The following YTHDF2 variants were observed in gnomAD, a reference collection of about 807,000 sequenced individuals.
YTHDF2 encodes the protein YTH N6-methyladenosine RNA binding protein F2.
YTHDF2 carries 2 observed loss-of-function variants against 50.4 expected under a neutral mutation model. That is an observed-to-expected ratio of 0.04 (90% CI 0.02 to 0.12). The LOEUF is 0.12. Ranked by LOEUF, YTHDF2 falls within the 10% of genes least tolerant of loss-of-function variation. The pLI is 1.00. For synonymous variants in YTHDF2, 217 were observed against 255.6 expected (o/e 0.85, Z 1.44); for missense variants, 483 against 722.6 (o/e 0.67, Z 3.80).
rs1393050574 is a variant in YTHDF2 at position 28,736,987 on chromosome 1, C to T, written c.-134C>T. ...GGAGCCTGAGCCGCGCGCTGTGTCT[C>T]CGCTGCGTCCGCCGAGGCCCCCGAG... On this transcript the variant is annotated 5_prime_UTR_variant, in exon 1 of 5. Transcript: ENST00000373812. 14 of 1,159,734 alleles carry T rather than the reference C, an allele frequency of 1.2e-5. No homozygotes were observed. Among genetic ancestry groups the T allele is most frequent in the Non-Finnish European group, 1.6e-5 (13 of 824,812 alleles). 71.8% of individuals were successfully genotyped at this position (1,159,734 alleles called of 1,614,324 possible).
intron 3 of YTHDF2, chr1:28,740,475 G>A (rs1010026790): frequency 6.6e-6 from 1 of 152,122 alleles, no homozygotes; most frequent in Admixed American, 6.5e-5. Context: ...AGATGAGGAA[G>A]GGTAACCTGA....
At chr1:28,744,082 A>G in intron 4 of YTHDF2, 96 bp downstream of exon 4, 1 of 1,293,952 alleles carries the variant, frequency 7.7e-7, no homozygotes. Flanking sequence ...AAACTCTGTA[A>G]ATGAATACAG....
chr1:28,761,947 C>CT (rs1557550381), intron 4 of YTHDF2, among the ~76,000 whole-genome samples: 1 of 152,046 alleles, frequency 6.6e-6, no homozygotes, highest in Non-Finnish European at 1.5e-5. Flanking sequence ...TTATATATGA[C>CT]TTGATGTTTC....
intron 4 of YTHDF2, among the ~76,000 whole-genome samples, chr1:28,763,361 C>G (rs866666961): frequency 6.6e-6 from 1 of 152,194 alleles, no homozygotes; most frequent in South Asian, 2.1e-4. Context: ...GCAACCTCTG[C>G]CCCCTGGGTT....
intron 4 of YTHDF2, among the ~76,000 whole-genome samples, chr1:28,746,752 T>A: frequency 6.8e-6 from 1 of 147,962 alleles, no homozygotes; most frequent in South Asian, 2.2e-4. Context: ...AGAGAGAGAC[T>A]CTGTCTAAAC....
intron 4 of YTHDF2, among the ~76,000 whole-genome samples, chr1:28,761,205 A>G (rs1316453991): frequency 1.4e-5 from 2 of 142,734 alleles, no homozygotes; most frequent in Admixed American, 7.2e-5. Flanking sequence ...CCTGATCACA[A>G]CTCATTGCAG....
At chr1:28,753,151 C>A (rs1570472090) in intron 4 of YTHDF2, among the ~76,000 whole-genome samples, 3 of 151,650 alleles carry the variant, frequency 2.0e-5, no homozygotes, top group African/African-American at 2.4e-5. Flanking sequence ...TTGGAACTTA[C>A]ACCTGGAGAG....
chr1:28,767,142 T>A lies in YTHDF2; in HGVS notation c.1717-1787T>A, dbSNP rs563559463. ...ACAGGTGTGAGCCACCACTTCTGGC[T>A]GTTTTGGTATTGTTGTGTTAAAATT... is the stretch of plus-strand genomic sequence containing the variant. On this transcript the variant is annotated intron_variant, in intron 4 of 4. Transcript: ENST00000373812. 1.1e-4 allele frequency among the ~76,000 whole-genome samples: 16 copies of A among 152,116 alleles called. No individual in the cohort carries two copies. The South Asian group carries it at 2.9e-3, about 28-fold the overall frequency.
chr1:28,741,663 A>T (rs1384069860), intron 3 of YTHDF2, among the ~76,000 whole-genome samples: 2 of 152,170 alleles, frequency 1.3e-5, no homozygotes, highest in Admixed American at 1.3e-4. Flanking sequence ...GAGTAGTGGG[A>T]TCTATTGATA....
At chr1:28,736,924 A>T (rs1360196137), upstream of YTHDF2, 2 of 564,042 alleles carry the variant, frequency 3.5e-6, no homozygotes, top group African/African-American at 2.0e-5. Flanking sequence ...AGAGACGGGC[A>T]TTGAGCTCTT....
chr1:28,764,973 C>T (rs891045684), intron 4 of YTHDF2, among the ~76,000 whole-genome samples: 1 of 152,048 alleles, frequency 6.6e-6, no homozygotes, highest in African/African-American at 2.4e-5. Context: ...TTCCTGGGCT[C>T]AGATGATCCT....
intron 1 of YTHDF2, 59 bp downstream of exon 1, chr1:28,737,206 G>T (rs1361976826): frequency 6.7e-7 from 1 of 1,484,648 alleles, no homozygotes; most frequent in East Asian, 2.6e-5. Context: ...GCCCGACTAG[G>T]CCCGGGCCCG....
chr1:28,744,869 A>G (rs2087835358), intron 4 of YTHDF2, among the ~76,000 whole-genome samples: 1 of 151,808 alleles, frequency 6.6e-6, no homozygotes, highest in Non-Finnish European at 1.5e-5. Context: ...GGGTTTTGCC[A>G]TGTTGCCCAG....
At position 28,744,001 on chromosome 1, in the gene YTHDF2, C is replaced by T; in HGVS notation, c.1716+15C>T. The T allele has an allele frequency of 6.6e-7, 1 of 1,519,664 alleles. No individual in the cohort carries two copies. The highest frequency in any genetic ancestry group is 8.8e-7 in the Non-Finnish European group (1 of 1,137,792). The allele number at this position is 1,519,664 out of a possible 1,614,324, so 94.1% of individuals were successfully genotyped here. ...GTGTTAAAAAGGTAACCCACTTCTT[C>T]TTATTAAGATTTTTAGGGAAGGAGG... On this transcript the variant is annotated intron_variant, in intron 4 of 4. Transcript: ENST00000373812.
chr1:28,745,142 C>T (rs1167841411), intron 4 of YTHDF2, among the ~76,000 whole-genome samples: 3 of 152,096 alleles, frequency 2.0e-5, no homozygotes, highest in Non-Finnish European at 2.9e-5. Context: ...GGATCTTATA[C>T]GTGATCTAGG....
chr1:28,760,090 A>G (rs1490185793), intron 4 of YTHDF2, among the ~76,000 whole-genome samples: 1 of 152,336 alleles, frequency 6.6e-6, no homozygotes, highest in East Asian at 1.9e-4. Flanking sequence ...TCGATTGGAA[A>G]GTCTTCAGAA....
At chr1:28,755,099 G>A (rs2088017552) in intron 4 of YTHDF2, among the ~76,000 whole-genome samples, 1 of 152,098 alleles carries the variant, frequency 6.6e-6, no homozygotes, top group African/African-American at 2.4e-5. Context: ...TATGAAGAAT[G>A]TGGTAGACAT....
chr1:28,758,697 T>A (rs11810125), intron 4 of YTHDF2, among the ~76,000 whole-genome samples: 2,059 of 152,308 alleles, frequency 0.014, 45 homozygotes, highest in African/African-American at 0.047. Context: ...ATGTTATACA[T>A]GAACTGCAGG....
In YTHDF2 at chr1:28,737,112, C is replaced by T. The variant is rs1313152237; in HGVS notation, c.-9C>T. ...CGCCGCCGTCGCCGCCCGTGAGGAT[C>T]TGAGAGCCATGTCGGCCAGCAGCCT... On this transcript the variant is annotated 5_prime_UTR_variant, in exon 1 of 5. Coordinates refer to ENST00000373812, the MANE Select transcript of YTHDF2 (RefSeq NM_016258.3). 1.3e-6 allele frequency: 2 copies of T among 1,598,156 alleles called. No individual in the cohort carries two copies. Among genetic ancestry groups the T allele is most frequent in the Non-Finnish European group, 1.7e-6 (2 of 1,174,354 alleles).
Sources: gnomAD v4.1 joint callset for allele counts (sites outside exome capture counted in the v4.1 genomes callset) on GRCh38, gnomAD v4.1.1 for gene constraint, MANE v1.5 for transcripts, NCBI Gene and HGNC (gene_info 2026-07-23, HGNC 2026-07-21) for gene names.